THADA: variants seen among roughly 807,000 people sequenced by gnomAD.
THADA encodes the protein tRNA (32-2'-O)-methyltransferase regulator THADA.
In THADA, 213 loss-of-function variants were observed where a neutral mutation model predicts 219.8. The observed-to-expected ratio is 0.97, with a 90% CI of 0.87 to 1.09. The LOEUF (loss-of-function observed/expected upper bound fraction) is 1.09, where lower values mean the gene tolerates loss of function less well. Among genes scored for constraint, THADA ranks in the 50% least tolerant of loss-of-function variants. The pLI, the probability that THADA is intolerant of heterozygous loss-of-function variation, is 0.00. For synonymous variants in THADA, 1,018 were observed against 828.9 expected, an observed-to-expected ratio of 1.23 and a Z score of -3.92; for missense variants, 2,956 against 2,311.3, an observed-to-expected ratio of 1.28 and a Z score of -5.72.
At chr2:43,525,237 A>G (rs1156460871) in intron 22 of THADA, among the ~76,000 whole-genome samples, 1 of 152,210 alleles carries the variant, frequency 6.6e-6, no homozygotes, top group Non-Finnish European at 1.5e-5. Context: ...ACTCCCTAGT[A>G]ACCTCTACTA....
intron 26 of THADA, among the ~76,000 whole-genome samples, chr2:43,448,439 G>C (rs926268838): frequency 2.8e-4 from 42 of 152,066 alleles, no homozygotes; most frequent in African/African-American, 9.9e-4. Flanking sequence ...TCTGATCTTG[G>C]AGATACAAAC....
chr2:43,443,072 C>T (rs913714329), intron 26 of THADA, among the ~76,000 whole-genome samples: 1 of 152,188 alleles, frequency 6.6e-6, no homozygotes, highest in Non-Finnish European at 1.5e-5. Context: ...GCATGTCATA[C>T]ATGAAACTTC....
intron 28 of THADA, among the ~76,000 whole-genome samples, chr2:43,427,607 AAT>A (rs1375434423): frequency 2.0e-5 from 3 of 148,524 alleles, no homozygotes; most frequent in East Asian, 3.9e-4. Context: ...TAATATATAT[AAT>A]AGTTATATAT....
chr2:43,476,882 C>G (rs949165716), intron 26 of THADA, among the ~76,000 whole-genome samples: 1 of 152,122 alleles, frequency 6.6e-6, no homozygotes, highest in African/African-American at 2.4e-5. Context: ...TTAGAAGATT[C>G]TAACCTAGAA....
At chr2:43,588,201 A>G (rs1320227660) in intron 4 of THADA, among the ~76,000 whole-genome samples, 1 of 152,146 alleles carries the variant, frequency 6.6e-6, no homozygotes, top group Non-Finnish European at 1.5e-5. Context: ...CAGTTTGGGT[A>G]AGTGGTTCCC....
intron 21 of THADA, among the ~76,000 whole-genome samples, chr2:43,528,646 C>A (rs894445069): frequency 6.6e-6 from 1 of 152,202 alleles, no homozygotes; most frequent in African/African-American, 2.4e-5. Context: ...TACACTAGAA[C>A]TGCCTTCCTA....
chr2:43,496,450 T>C (rs905262404), intron 25 of THADA, among the ~76,000 whole-genome samples: 1 of 152,226 alleles, frequency 6.6e-6, no homozygotes, highest in Non-Finnish European at 1.5e-5. Flanking sequence ...TTTCAATGTT[T>C]TGCGAGTGTC....
chr2:43,583,388 C>G (rs1700667827), intron 7 of THADA, among the ~76,000 whole-genome samples: 1 of 152,224 alleles, frequency 6.6e-6, no homozygotes, highest in African/African-American at 2.4e-5. Flanking sequence ...TCATCTCTCC[C>G]TTGGGTTATT....
intron 29 of THADA, among the ~76,000 whole-genome samples, chr2:43,365,099 AT>A (rs1669978127): frequency 1.3e-5 from 2 of 150,924 alleles, no homozygotes; most frequent in South Asian, 4.2e-4. Flanking sequence ...CTAATTTTGT[AT>A]TTTTAGTAGA....
chr2:43,398,272 C>G, intron 28 of THADA, 133 bp from the exon 29 acceptor site: 1 of 864,480 alleles, frequency 1.2e-6, no homozygotes, highest in South Asian at 2.1e-5. Flanking sequence ...CTCCTTATCC[C>G]AAATGATGTT....
In THADA at chr2:43,384,415, CTT is replaced by C. The variant is rs543955718; in HGVS notation, c.4227+13554_4227+13555del. ...TCAGAAACCTACCCAACTCAGTACCCTTTTGAGTTGGTGGGTGTGGATTGTAA... is the reference window on the plus strand; with the variant it reads ...TCAGAAACCTACCCAACTCAGTACCCTTGAGTTGGTGGGTGTGGATTGTAA... On this transcript the variant is annotated intron_variant, in intron 29 of 37. Coordinates refer to ENST00000405975, the MANE Select transcript of THADA (RefSeq NM_022065.5). 1.1e-3 allele frequency among the ~76,000 whole-genome samples: 169 copies of C among 152,266 alleles called. 1 individual carries two copies. Among genetic ancestry groups the C allele is most frequent in the African/African-American group, 3.9e-3 (163 of 41,552 alleles).
intron 26 of THADA, among the ~76,000 whole-genome samples, chr2:43,453,474 G>A (rs1189854436): frequency 2.0e-5 from 3 of 152,108 alleles, no homozygotes; most frequent in Non-Finnish European, 4.4e-5. Context: ...AACTAATCTG[G>A]AATAAGTATA....
Position 43,581,911 on chromosome 2 carries a change from T to A in THADA, c.551A>T (p.His184Leu). 7 of 1,543,576 alleles carry A rather than the reference T, an allele frequency of 4.5e-6. No homozygotes were observed. Among genetic ancestry groups the A allele is most frequent in the Non-Finnish European group, 6.1e-6 (7 of 1,151,526 alleles). The change falls in exon 8 of 38, where the codon CAT becomes CTT. Residue 184 changes from histidine (H) to leucine (L), a missense_variant. By Grantham distance (99) the His-to-Leu change is moderately conservative (BLOSUM62 -3). Transcript: ENST00000405975. ...LEENRKCAGN[H>L]IIQTQLMNDL... ...ATTCATCAACTGTGTTTGAATAATA[T>A]GATTTCCAGCACATTTTCTATAAAG...
intron 13 of THADA, 52 bp from the exon 14 acceptor site, chr2:43,570,562 T>C: frequency 6.4e-7 from 1 of 1,565,158 alleles, no homozygotes; most frequent in African/African-American, 1.4e-5. Context: ...TAAATTTAAA[T>C]GTCAGCCTGA....
intron 15 of THADA, 67 bp from the exon 16 acceptor site, chr2:43,560,452 T>G (rs188106988): frequency 4.1e-6 from 5 of 1,213,742 alleles, no homozygotes; most frequent in Non-Finnish European, 5.5e-6. Flanking sequence ...CTGAAGTTAT[T>G]TGACCAAATT....
At chr2:43,252,612 C>T (rs367660398) in intron 36 of THADA, among the ~76,000 whole-genome samples, 4 of 152,266 alleles carry the variant, frequency 2.6e-5, no homozygotes, top group East Asian at 1.9e-4. Context: ...AAATTACCCA[C>T]GCCCCCTACT....
At chr2:43,462,600 G>T (rs566033383) in intron 26 of THADA, among the ~76,000 whole-genome samples, 2 of 152,272 alleles carry the variant, frequency 1.3e-5, no homozygotes, top group South Asian at 4.2e-4. Context: ...ACATTTAATT[G>T]AAAAGTGAAA....
chr2:43,554,232 T>C (rs552774407), intron 17 of THADA, among the ~76,000 whole-genome samples: 2 of 152,364 alleles, frequency 1.3e-5, no homozygotes, highest in African/African-American at 2.4e-5. Context: ...AAGAATTTTA[T>C]AGTTTTAGCT....
At chr2:43,336,920 T>C (rs977343864) in intron 30 of THADA, among the ~76,000 whole-genome samples, 1 of 152,180 alleles carries the variant, frequency 6.6e-6, no homozygotes, top group Non-Finnish European at 1.5e-5. Flanking sequence ...CAAGGGAGGA[T>C]GGCTGGGACT....
Sources: gnomAD v4.1 joint callset for allele counts (sites outside exome capture counted in the v4.1 genomes callset) on GRCh38, gnomAD v4.1.1 for gene constraint, MANE v1.5 for transcripts, NCBI Gene and HGNC (gene_info 2026-07-23, HGNC 2026-07-21) for gene names.